The following BICDL1 variants were observed in gnomAD, a reference collection of about 807,000 sequenced individuals.
BICDL1 encodes the protein BICD family like cargo adaptor 1, also known as BICD family-like cargo adapter 1.
A neutral mutation model predicts 76.8 loss-of-function variants in BICDL1; 20 were observed. The ratio of observed to expected loss-of-function variants is 0.26; its 90% confidence interval spans 0.18 to 0.38. The LOEUF (loss-of-function observed/expected upper bound fraction) is 0.38. Ranked by LOEUF, BICDL1 falls within the 10% of genes least tolerant of loss-of-function variation. The pLI, the probability that BICDL1 is intolerant of heterozygous loss-of-function variation, is 1.00. For missense variants in BICDL1, 700 were observed against 798.6 expected, an observed-to-expected ratio of 0.88 and a Z score of 1.49; for synonymous variants, 383 against 337.1, an observed-to-expected ratio of 1.14 and a Z score of -1.49.
chr12:120,067,120 G>C (rs914421002), intron 4 of BICDL1, among the ~76,000 whole-genome samples: 1 of 152,228 alleles, frequency 6.6e-6, no homozygotes, highest in Non-Finnish European at 1.5e-5. Flanking sequence ...TGAACACCCA[G>C]TATATATCAA....
intron 2 of BICDL1, among the ~76,000 whole-genome samples, chr12:120,043,244 T>A (rs1297769255): frequency 6.6e-6 from 1 of 152,226 alleles, no homozygotes; most frequent in Non-Finnish European, 1.5e-5. Context: ...TTTAGTTTGT[T>A]GAATTCAACC....
Position 120,071,479 on chromosome 12 carries a change from C to A in BICDL1, c.910-143C>A. On this transcript the variant is annotated intron_variant, in intron 4 of 9. Transcript: ENST00000548673. This position sits in a 1 kb window ranked among gnomAD's most constrained non-coding sequence, Gnocchi z 4.8. Reference sequence around the variant, plus strand: ...ATCTGGATTTTGCTGAGTGCATCTCCTGATGTAGTTTAACATGTTCTTCTC... The same window carrying A: ...ATCTGGATTTTGCTGAGTGCATCTCATGATGTAGTTTAACATGTTCTTCTC... The A allele has an allele frequency of 8.2e-7, 1 of 1,220,404 alleles. No individual in the cohort carries two copies. Among genetic ancestry groups the A allele is most frequent in the South Asian group, 1.7e-5 (1 of 59,070 alleles). 75.6% of individuals were successfully genotyped at this position (1,220,404 alleles called of 1,614,324 possible).
intron 2 of BICDL1, among the ~76,000 whole-genome samples, chr12:120,035,427 A>C (rs1370493099): frequency 6.6e-6 from 1 of 152,238 alleles, no homozygotes; most frequent in African/African-American, 2.4e-5. Flanking sequence ...ATCCCATGTT[A>C]ACCCTATGTG....
At chr12:120,037,400 T>C (rs937307265) in intron 2 of BICDL1, among the ~76,000 whole-genome samples, 1 of 152,160 alleles carries the variant, frequency 6.6e-6, no homozygotes, top group African/African-American at 2.4e-5. Flanking sequence ...AGGTTTCACA[T>C]ATTCATTTCT....
chr12:120,088,818 C>T (rs1347456661), intron 8 of BICDL1, among the ~76,000 whole-genome samples: 5 of 152,146 alleles, frequency 3.3e-5, no homozygotes, highest in Admixed American at 6.5e-5. Flanking sequence ...AGGCACCTGC[C>T]GCCATGCCTG....
chr12:120,060,362 G>A (rs1358306812), intron 2 of BICDL1, among the ~76,000 whole-genome samples: 1 of 152,232 alleles, frequency 6.6e-6, no homozygotes, highest in Non-Finnish European at 1.5e-5. Flanking sequence ...AGGGTGGGGT[G>A]AGGGAGTTGG....
At chr12:120,027,066 T>C (rs546060957) in intron 2 of BICDL1, among the ~76,000 whole-genome samples, 9 of 147,436 alleles carry the variant, frequency 6.1e-5, no homozygotes, top group Non-Finnish European at 1.2e-4. Flanking sequence ...GTTCTTGCAC[T>C]GTCGCCTGGG....
chr12:120,034,378 G>A (rs139882315), intron 2 of BICDL1, among the ~76,000 whole-genome samples: 21 of 152,286 alleles, frequency 1.4e-4, no homozygotes, highest in African/African-American at 2.9e-4. Context: ...TTAACACAGA[G>A]GGGTTTTAGA....
chr12:120,003,161 A>T (rs1205335431), intron 2 of BICDL1, among the ~76,000 whole-genome samples: 2 of 109,606 alleles, frequency 1.8e-5, no homozygotes, highest in African/African-American at 7.4e-5. Context: ...CCATCTTTAA[A>T]AAAAAAAAAA....
chr12:119,996,926 C>T (rs947249213), intron 1 of BICDL1, among the ~76,000 whole-genome samples: 1 of 151,690 alleles, frequency 6.6e-6, no homozygotes, highest in Non-Finnish European at 1.5e-5. Context: ...CAGAGGCATG[C>T]ATATTTATCT....
chr12:120,047,407 C>G (rs1221383099), intron 2 of BICDL1, among the ~76,000 whole-genome samples: 1 of 152,128 alleles, frequency 6.6e-6, no homozygotes, highest in Non-Finnish European at 1.5e-5. Context: ...TGGGCAGGAA[C>G]CTTCATGCAA....
Position 120,072,714 on chromosome 12 carries a change from T to C in BICDL1, c.1293T>C (p.Asp431=). 1 of 1,612,830 alleles carries C rather than the reference T, an allele frequency of 6.2e-7. No individual in the cohort carries two copies. Among genetic ancestry groups the C allele is most frequent in the Non-Finnish European group, 8.5e-7 (1 of 1,179,886 alleles). Residue 431 remains aspartate, a synonymous_variant, in exon 6 of 10, where the codon GAT becomes GAC. Transcript: ENST00000548673. ...AGAGACTGATACAGAGCATTGTGGA[T>C]GGCATGGAGCCCACGGTAAGAGGCC... ...ELKRLIQSIV[D]GMEPTGSRRL... is the part of the protein sequence containing the mutation.
chr12:120,043,332 G>C lies in BICDL1; in HGVS notation c.646-18378G>C, dbSNP rs149012380. On this transcript the variant is annotated intron_variant, in intron 2 of 9. Transcript: ENST00000548673. ...CCTATTCCCAAGTACACATATTTTG[G>C]GGCGTGCCTATTTAATGACAAGCTC... Among the ~76,000 whole-genome samples, 60 of 152,234 alleles carry C rather than the reference G, an allele frequency of 3.9e-4. 1 individual carries two copies. The East Asian group carries it at 0.011, about 28-fold the overall frequency.
rs774966093 is a variant in BICDL1, at chr12:120,093,196, C to G, written c.*35C>G. The G allele has an allele frequency of 6.4e-7, 1 of 1,555,602 alleles. No homozygotes were observed. The highest frequency in any genetic ancestry group is 2.4e-5 in the East Asian group (1 of 41,166). On this transcript the variant is annotated 3_prime_UTR_variant, in exon 10 of 10. Transcript: ENST00000548673. ...AGTCAGGCCACCAAAGATGGGTGGA[C>G]TGGAGGCAGCTGGAAAGGCGGTGCA...
intron 4 of BICDL1, among the ~76,000 whole-genome samples, chr12:120,070,564 C>T (rs925167343): frequency 2.0e-5 from 3 of 152,122 alleles, no homozygotes; most frequent in Admixed American, 6.5e-5. Context: ...AATGTAACTA[C>T]AGTACTATTA....
intron 2 of BICDL1, among the ~76,000 whole-genome samples, chr12:120,039,020 G>T (rs963011804): frequency 6.6e-6 from 1 of 152,144 alleles, no homozygotes; most frequent in African/African-American, 2.4e-5. Flanking sequence ...AAACAAGGCC[G>T]GGCACGGTGA....
At chr12:120,091,916 C>T (rs1875008108) in intron 9 of BICDL1, 1 of 985,084 alleles carries the variant, frequency 1.0e-6, no homozygotes, top group Admixed American at 6.2e-5. Context: ...AGGGAGCCTG[C>T]CCTGAACACA....
At chr12:120,067,887 A>G (rs765994551) in intron 4 of BICDL1, among the ~76,000 whole-genome samples, 12 of 152,216 alleles carry the variant, frequency 7.9e-5, no homozygotes, top group Non-Finnish European at 1.6e-4. Flanking sequence ...AGTCTCCTCA[A>G]AACTGGGGTT....
intron 2 of BICDL1, among the ~76,000 whole-genome samples, chr12:120,060,477 AG>A (rs1953080579): frequency 6.6e-6 from 1 of 152,232 alleles, no homozygotes; most frequent in Non-Finnish European, 1.5e-5. Context: ...TTAAGGAGTC[AG>A]TTGTATATCA....
Sources: gnomAD v4.1 joint callset for allele counts (sites outside exome capture counted in the v4.1 genomes callset) on GRCh38, gnomAD v4.1.1 for gene constraint, Gnocchi (gnomAD v3.1) non-coding constraint, MANE v1.5 for transcripts, NCBI Gene and HGNC (gene_info 2026-07-23, HGNC 2026-07-21) for gene names.